MTMR1: variants seen among roughly 807,000 people sequenced by gnomAD.
The protein encoded by MTMR1 is phosphatidylinositol-3-phosphate phosphatase MTMR1.
In MTMR1, 17 loss-of-function variants were observed where a neutral mutation model predicts 51.6. That is an observed-to-expected ratio of 0.33 (90% CI 0.23 to 0.49). The LOEUF (loss-of-function observed/expected upper bound fraction) is 0.49. MTMR1 is among the 20% of genes least tolerant of loss of function. MTMR1 has a pLI of 0.99. For synonymous variants in MTMR1, 201 were observed against 205.6 expected, an observed-to-expected ratio of 0.98 and a Z score of 0.19; for missense variants, 386 against 526.9, an observed-to-expected ratio of 0.73 and a Z score of 2.62.
intron 3 of MTMR1, among the ~76,000 whole-genome samples, chrX:150,717,694 C>T (rs185060205): frequency 1.3e-4 from 15 of 111,331 alleles, no homozygotes; most frequent in African/African-American, 2.3e-4. Context: ...CTCACCTCCC[C>T]TCAATTATCT....
At chrX:150,726,823 A>C (rs957256484) in intron 4 of MTMR1, among the ~76,000 whole-genome samples, 39 of 112,170 alleles carry the variant, frequency 3.5e-4, no homozygotes, top group Admixed American at 1.0e-3. Flanking sequence ...ATGCATTAGG[A>C]GACAATCTTT....
intron 4 of MTMR1, chrX:150,726,967 A>G (rs2041959838): frequency 4.4e-6 from 1 of 224,867 alleles, no homozygotes; most frequent in South Asian, 2.5e-4. Flanking sequence ...ATGACAGAAT[A>G]TAACTTCTTA....
chrX:150,722,221 T>C (rs1018870110), intron 4 of MTMR1, among the ~76,000 whole-genome samples: 1 of 112,168 alleles, frequency 8.9e-6, no homozygotes, highest in Admixed American at 9.5e-5. Context: ...TGTTTTCTGC[T>C]GTTGTTGAGT....
chrX:150,708,589 C>T (rs782709903), intron 2 of MTMR1, among the ~76,000 whole-genome samples: 1 of 111,314 alleles, frequency 9.0e-6, no homozygotes, highest in East Asian at 2.8e-4. Context: ...CAAGATGATG[C>T]AGTATGCTTG....
At chrX:150,714,854 G>T (rs1404448349) in intron 3 of MTMR1, among the ~76,000 whole-genome samples, 2 of 111,734 alleles carry the variant, frequency 1.8e-5, no homozygotes, top group Non-Finnish European at 3.8e-5. Context: ...TATGCTAAGG[G>T]TGCTCCTTGA....
chrX:150,730,148 C>A lies in MTMR1; in HGVS notation c.595C>A (p.Gln199Lys). Reference protein sequence around the residue: ...NLRLAYKQEEQSKLGIFENLN... With the variant: ...NLRLAYKQEEKSKLGIFENLN... ...GCGGCTTGCTTATAAACAGGAAGAA[C>A]AGAGTAAACTAGGGATATTTGAAAA... Residue 199 changes from glutamine to lysine, a missense_variant, in exon 7 of 16, where the codon CAG becomes AAG. Transcript: ENST00000445323. 1 of 1,204,623 alleles carries A rather than the reference C, an allele frequency of 8.3e-7. No homozygotes were observed. Among genetic ancestry groups the A allele is most frequent in the Non-Finnish European group, 1.1e-6 (1 of 892,599 alleles).
intron 13 of MTMR1, among the ~76,000 whole-genome samples, chrX:150,750,387 C>T (rs1261880541): frequency 8.9e-6 from 1 of 111,885 alleles, no homozygotes; most frequent in Non-Finnish European, 1.9e-5. Context: ...TGCCTGTTGC[C>T]AGTGTCTGAA....
chrX:150,757,571 G>C (rs974268487), intron 15 of MTMR1, among the ~76,000 whole-genome samples: 2 of 112,009 alleles, frequency 1.8e-5, no homozygotes, highest in South Asian at 7.4e-4. Flanking sequence ...TGGCTGCAGG[G>C]GTGCTCCTGC....
chrX:150,741,470 C>T (rs917931672), intron 12 of MTMR1, among the ~76,000 whole-genome samples: 3 of 112,321 alleles, frequency 2.7e-5, no homozygotes, highest in Non-Finnish European at 3.8e-5. Flanking sequence ...CTGTTCCTTC[C>T]CCTACCCCAT....
chrX:150,714,517 T>C (rs1557416333), intron 3 of MTMR1: 1 of 982,433 alleles, frequency 1.0e-6, no homozygotes, highest in South Asian at 2.0e-5. Context: ...CTTCTGAAGC[T>C]GAAGCTGATC....
intron 1 of MTMR1, among the ~76,000 whole-genome samples, chrX:150,694,151 G>A (rs923339577): frequency 1.8e-4 from 20 of 111,546 alleles, no homozygotes; most frequent in African/African-American, 6.5e-4. Context: ...GAGTGAGGAC[G>A]GGGAGATGGG....
chrX:150,696,502 C>T (rs1385168632), intron 1 of MTMR1, among the ~76,000 whole-genome samples: 1 of 111,862 alleles, frequency 8.9e-6, no homozygotes, highest in African/African-American at 3.3e-5. Context: ...ATGTCCAGGC[C>T]TCCTGTCTGC....
intron 14 of MTMR1, among the ~76,000 whole-genome samples, chrX:150,752,997 A>G (rs1343519066): frequency 2.7e-5 from 3 of 110,802 alleles, no homozygotes; most frequent in African/African-American, 9.9e-5. Flanking sequence ...GGTAGCAATC[A>G]CTTCCCATTT....
intron 15 of MTMR1, among the ~76,000 whole-genome samples, chrX:150,760,060 C>T (rs115345321): frequency 0.042 from 4,582 of 109,154 alleles, 266 homozygotes; most frequent in African/African-American, 0.13. Context: ...GCACTGTGCT[C>T]GGAGGGTAGT....
chrX:150,726,074 T>A (rs1205035525), intron 4 of MTMR1, among the ~76,000 whole-genome samples: 1 of 111,897 alleles, frequency 8.9e-6, no homozygotes, highest in Non-Finnish European at 1.9e-5. Flanking sequence ...CCATGGCCTG[T>A]TAGGAACGGG....
chrX:150,728,210 G>A (rs1403796251), intron 6 of MTMR1, among the ~76,000 whole-genome samples: 7 of 112,056 alleles, frequency 6.2e-5, no homozygotes, highest in African/African-American at 9.7e-5. Context: ...TATTGTTTAG[G>A]GAATAATGAC....
intron 2 of MTMR1, among the ~76,000 whole-genome samples, chrX:150,710,744 C>T (rs2041279311): frequency 8.9e-6 from 1 of 112,535 alleles, no homozygotes; most frequent in Non-Finnish European, 1.9e-5. Context: ...ACATAAAAAT[C>T]ATGAGTGTTT....
At chrX:150,745,119 T>C (rs2042541601) in intron 13 of MTMR1, among the ~76,000 whole-genome samples, 1 of 111,984 alleles carries the variant, frequency 8.9e-6, no homozygotes, top group Non-Finnish European at 1.9e-5. Flanking sequence ...TTGTCGTTGT[T>C]TTCCCCCTCA....
chrX:150,762,711 C>T lies in MTMR1; in HGVS notation c.2004C>T (p.Ser668=), dbSNP rs782506940. Residue 668 remains serine, a synonymous_variant, in exon 16 of 16, where the codon TCC becomes TCT. Transcript: ENST00000445323. ...RGSSPSHSAT[S]VHTSV ...CCTCGCCCTCCCACTCCGCCACCTC[C>T]GTCCACACCTCGGTCTGATGGGCGA... 1.4e-5 allele frequency: 17 copies of T among 1,172,454 alleles called. No individual in the cohort carries two copies. The highest frequency in any genetic ancestry group is 6.1e-5 in the East Asian group (2 of 32,536).
Sources: allele counts gnomAD v4.1 joint callset (sites outside exome capture counted in the v4.1 genomes callset), GRCh38; gene constraint gnomAD v4.1.1; transcripts MANE v1.5; gene names NCBI Gene and HGNC (gene_info 2026-07-23, HGNC 2026-07-21).